Variants in C4orf54 observed in about 807,000 individuals in gnomAD.
The protein encoded by C4orf54 is chromosome 4 open reading frame 54.
C4orf54 carries 67 observed loss-of-function variants against 80.1 expected under a neutral mutation model. The ratio of observed to expected loss-of-function variants is 0.84; its 90% CI spans 0.69 to 1.03. The LOEUF (loss-of-function observed/expected upper bound fraction) is 1.03, where lower values mean the gene tolerates loss of function less well. Ranked by LOEUF, C4orf54 falls within the 50% of genes least tolerant of loss-of-function variation. The pLI is 0.00. For missense variants in C4orf54, 2,434 were observed against 2,253.5 expected, an observed-to-expected ratio of 1.08 and a Z score of -1.62; for synonymous variants, 1,000 against 917.0, an observed-to-expected ratio of 1.09 and a Z score of -1.64.
chr4:99,653,831 G>C lies in C4orf54; in HGVS notation c.818C>G (p.Ser273Cys), dbSNP rs901028371. 2.0e-6 allele frequency: 3 copies of C among 1,536,090 alleles called. No homozygotes were observed. In the African/African-American group the frequency reaches 4.1e-5, roughly 21 times the overall value. ...GGNFSSSSSSSPMNKAEEDGL... is the reference protein window; with the variant it reads ...GGNFSSSSSSCPMNKAEEDGL... Reference sequence around the variant, plus strand: ...ATCCTCTTCTGCTTTGTTCATCGGGGAGGAGGATGAGGAAGATGAGAAATT... The same window carrying C: ...ATCCTCTTCTGCTTTGTTCATCGGGCAGGAGGATGAGGAAGATGAGAAATT... The change falls in exon 2 of 3, where the codon TCC becomes TGC. Residue 273 changes from serine to cysteine, a missense_variant. Transcript: ENST00000511828.
In C4orf54 at chr4:99,653,586, C is replaced by T. The variant is rs1726905032; in HGVS notation, c.1063G>A (p.Gly355Ser). The part of the protein sequence containing the change: ...ECRDIIAKSQ[G>S]SRDPPKVEEA... ...TCGACTTTGGGGGGGTCCCTGCTGCCCTGGGACTTGGCAATAATGTCCCTG... is the reference window on the plus strand; with the variant it reads ...TCGACTTTGGGGGGGTCCCTGCTGCTCTGGGACTTGGCAATAATGTCCCTG... The change falls in exon 2 of 3, where the codon GGC becomes AGC. Residue 355 changes from glycine to serine, a missense_variant. Coordinates refer to ENST00000511828, the MANE Select transcript of C4orf54 (RefSeq NM_001354435.2). 6.5e-7 allele frequency: 1 copy of T among 1,535,894 alleles called. No individual in the cohort carries two copies. The highest frequency in any genetic ancestry group is 1.2e-5 in the South Asian group (1 of 84,048).
rs756179658 is a variant in C4orf54, at chr4:99,651,598, G to A, written c.3051C>T (p.Thr1017=). ...QATKYPAAQA[T]STAVIRPKAP... Reference sequence around the variant, plus strand: ...CCTTGGGTCTGATCACCGCTGTGGAGGTGGCCTGAGCAGCAGGGTACTTGG... The same window carrying A: ...CCTTGGGTCTGATCACCGCTGTGGAAGTGGCCTGAGCAGCAGGGTACTTGG... The change falls in exon 2 of 3, where the codon ACC becomes ACT. Residue 1017 remains threonine, a synonymous_variant. Coordinates refer to ENST00000511828, the MANE Select transcript of C4orf54 (RefSeq NM_001354435.2). 2.3e-5 allele frequency: 36 copies of A among 1,536,020 alleles called. No individual in the cohort carries two copies. Among genetic ancestry groups the A allele is most frequent in the African/African-American group, 1.1e-4 (8 of 73,026 alleles).
chr4:99,638,655 A>G lies in C4orf54; in HGVS notation c.*2578T>C, dbSNP rs929470684. The G allele has an allele frequency of 1.3e-5, 2 of 152,176 alleles. No homozygotes were observed. Among genetic ancestry groups the G allele is most frequent in the African/African-American group, 4.8e-5 (2 of 41,466 alleles). 9.4% of individuals were successfully genotyped at this position (152,176 alleles called of 1,614,324 possible). A position where few individuals can be genotyped will look rare whatever the true frequency, so the allele number is the denominator to read the frequency against. ...GCTCTTGTTTGATTCCCCTTGAGCT[A>G]TAAAAGGAAGGGTATATCACTTCAT... On this transcript the variant is annotated 3_prime_UTR_variant, in exon 3 of 3. Transcript: ENST00000511828.
chr4:99,643,792 A>ACACACACACACACCCC (rs61130907), intron 2 of C4orf54, among the ~76,000 whole-genome samples: 108 of 98,834 alleles, frequency 1.1e-3, no homozygotes, highest in Middle Eastern at 5.0e-3. Flanking sequence ...ACACACACAC[A>ACACACACACACACCCC]CCCCCTCCGC....
Position 99,636,822 on chromosome 4 carries a change from G to A in C4orf54, c.*4411C>T, listed in dbSNP as rs1232458986. On this transcript the variant is annotated 3_prime_UTR_variant, in exon 3 of 3. Coordinates refer to ENST00000511828, the MANE Select transcript of C4orf54 (RefSeq NM_001354435.2). Reference sequence around the variant, plus strand: ...ATTGAATCATATCAGACCTCAGGTAGGAACTTTTCCACCAAGATTCCTACG... The same window carrying A: ...ATTGAATCATATCAGACCTCAGGTAAGAACTTTTCCACCAAGATTCCTACG... The A allele has an allele frequency of 2.0e-5, 3 of 152,136 alleles. No individual in the cohort carries two copies. The allele number at this position is 152,136 out of a possible 1,614,324, so 9.4% of individuals were successfully genotyped here. A position where few individuals can be genotyped will look rare whatever the true frequency, so the allele number is the denominator to read the frequency against.
intron 1 of C4orf54, among the ~76,000 whole-genome samples, chr4:99,657,135 T>C (rs962358303): frequency 4.6e-5 from 7 of 152,262 alleles, no homozygotes; most frequent in African/African-American, 1.7e-4. Context: ...AGGCTAACCG[T>C]GTCTTGGACG....
At chr4:99,641,259 A>T (rs1439056165) in intron 2 of C4orf54, 63 bp from the exon 3 acceptor site, 1 of 152,194 alleles carries the variant, frequency 6.6e-6, no homozygotes, top group African/African-American at 2.4e-5. Context: ...TCTAAAAGCA[A>T]ATTTCACTTT....
At chr4:99,642,988 C>G (rs1726631623) in intron 2 of C4orf54, among the ~76,000 whole-genome samples, 3 of 152,276 alleles carry the variant, frequency 2.0e-5, no homozygotes, top group Admixed American at 6.5e-5. Context: ...AGCCAGCTAG[C>G]TCAAAGAGGA....
chr4:99,651,395 G>A lies in C4orf54; in HGVS notation c.3254C>T (p.Pro1085Leu), dbSNP rs1345973850. ...LFRGDNLEKV[P>L]HFQVRDIRDK... is the part of the protein sequence containing the mutation. ...TCTGATGTCTCTCACCTGGAAATGG[G>A]GCACTTTTTCTAGGTTGTCCCCGCG... Residue 1085 changes from proline (P) to leucine (L), a missense_variant, in exon 2 of 3, where the codon CCC becomes CTC. Physicochemically the swap from Pro to Leu is moderately conservative, Grantham distance 98. Transcript: ENST00000511828. 1 of 1,536,234 alleles carries A rather than the reference G, an allele frequency of 6.5e-7. No individual in the cohort carries two copies. Among genetic ancestry groups the A allele is most frequent in the Non-Finnish European group, 8.7e-7 (1 of 1,146,930 alleles).
chr4:99,651,982 G>A lies in C4orf54; in HGVS notation c.2667C>T (p.Ser889=), dbSNP rs1422397563. The change falls in exon 2 of 3, where the codon TCC becomes TCT. Residue 889 remains serine, a synonymous_variant. Transcript: ENST00000511828. ...VSMSDAGGEG[S]VAGSKSPVFK... is the part of the protein sequence containing the mutation. ...AGACTGGAGATTTGGAGCCCGCCAC[G>A]GACCCCTCCCCGCCCGCGTCGGACA... 7 of 1,536,002 alleles carry A rather than the reference G, an allele frequency of 4.6e-6. No individual in the cohort carries two copies. Among genetic ancestry groups the A allele is most frequent in the African/African-American group, 2.7e-5 (2 of 73,054 alleles).
rs1578266842 is a variant in C4orf54, at chr4:99,641,199, A to G, written c.*37-3T>C. 1 of 150,136 alleles carries G rather than the reference A, an allele frequency of 6.7e-6. No homozygotes were observed. The highest frequency in any genetic ancestry group is 2.5e-5 in the African/African-American group (1 of 39,806). The allele number at this position is 150,136 out of a possible 1,614,324, so 9.3% of individuals were successfully genotyped here. ...TAGTCCATCTTTTTGTCTTGCTCCT[A>G]TAAAATAAAAAAATTAAGAAAAAAC... is the stretch of plus-strand genomic sequence containing the variant. On this transcript the variant is annotated splice_region_variant and splice_polypyrimidine_tract_variant and intron_variant, in intron 2 of 2. Coordinates refer to ENST00000511828, the MANE Select transcript of C4orf54 (RefSeq NM_001354435.2).
At position 99,653,847 on chromosome 4, in the gene C4orf54, A is replaced by T. The variant is rs191294537; in HGVS notation, c.802T>A (p.Ser268Thr). ...TTCATCGGGGAGGAGGATGAGGAAG[A>T]TGAGAAATTGCCACCCTCTTCAGAG... Reference protein sequence around the residue: ...SASEEGGNFSSSSSSSPMNKA... With the variant: ...SASEEGGNFSTSSSSSPMNKA... Residue 268 changes from serine to threonine, a missense_variant, in exon 2 of 3, where the codon TCT becomes ACT. Coordinates refer to ENST00000511828, the MANE Select transcript of C4orf54 (RefSeq NM_001354435.2). 5.4e-5 allele frequency: 83 copies of T among 1,536,234 alleles called. No homozygotes were observed. The Admixed American group carries it at 9.6e-4, about 18-fold the overall frequency.
rs1560637501 is a variant in C4orf54 at position 99,650,076 on chromosome 4, T to C, written c.4573A>G (p.Ser1525Gly). The C allele has an allele frequency of 6.5e-7, 1 of 1,535,748 alleles. No individual in the cohort carries two copies. Among genetic ancestry groups the C allele is most frequent in the East Asian group, 2.4e-5 (1 of 40,866 alleles). ...CGCCAAGCTGGTCGGCTGGTTCCAC[T>C]AACCTGAGAGCCTTTGGAGCTACTG... Reference protein sequence around the residue: ...VPSSSKGSQVSGTSRPAWRTK... With the variant: ...VPSSSKGSQVGGTSRPAWRTK... The change falls in exon 2 of 3, where the codon AGT becomes GGT. Residue 1525 changes from serine to glycine, a missense_variant. Coordinates refer to ENST00000511828, the MANE Select transcript of C4orf54 (RefSeq NM_001354435.2).
chr4:99,652,410 C>T lies in C4orf54; in HGVS notation c.2239G>A (p.Val747Ile). ...FQKQVQTGSRVVTLLEPLNVR... is the reference protein window; with the variant it reads ...FQKQVQTGSRIVTLLEPLNVR... ...TTCAGGGGCTCCAAAAGGGTGACGACGCGGGAGCCCGTCTGGACCTGCTTC... is the reference window on the plus strand; with the variant it reads ...TTCAGGGGCTCCAAAAGGGTGACGATGCGGGAGCCCGTCTGGACCTGCTTC... The change falls in exon 2 of 3, where the codon GTC becomes ATC. Residue 747 changes from valine (V) to isoleucine (I), a missense_variant. By Grantham distance (29) the Val-to-Ile change is conservative (BLOSUM62 3). Coordinates refer to ENST00000511828, the MANE Select transcript of C4orf54 (RefSeq NM_001354435.2). The T allele has an allele frequency of 1.3e-6, 2 of 1,536,038 alleles. No individual in the cohort carries two copies. Among genetic ancestry groups the T allele is most frequent in the African/African-American group, 1.4e-5 (1 of 73,140 alleles).
chr4:99,646,105 A>G (rs1301463840), intron 2 of C4orf54, among the ~76,000 whole-genome samples: 3 of 152,198 alleles, frequency 2.0e-5, no homozygotes, highest in Non-Finnish European at 4.4e-5. Context: ...CCAAATATAT[A>G]CGGGAAGGAA....
intron 2 of C4orf54, among the ~76,000 whole-genome samples, chr4:99,648,283 C>A (rs1726733768): frequency 6.6e-6 from 1 of 152,098 alleles, no homozygotes; most frequent in Non-Finnish European, 1.5e-5. Context: ...TATCAAGTTC[C>A]ATGTACTGTA....
chr4:99,649,872 C>G lies in C4orf54; in HGVS notation c.4777G>C (p.Ala1593Pro), dbSNP rs887339139. ...SMPAPAPAASAPVPTDPFQQA... is the reference protein window; with the variant it reads ...SMPAPAPAASPPVPTDPFQQA... ...TGGAAGGGGTCTGTGGGGACGGGAG[C>G]TGAGGCTGCAGGTGCTGGGGCAGGC... is the stretch of plus-strand genomic sequence containing the variant. Residue 1593 changes from alanine (A) to proline (P), a missense_variant, in exon 2 of 3, where the codon GCT (alanine) becomes CCT (proline). Transcript: ENST00000511828. 1 of 1,531,178 alleles carries G rather than the reference C, an allele frequency of 6.5e-7. No homozygotes were observed. Among genetic ancestry groups the G allele is most frequent in the African/African-American group, 1.4e-5 (1 of 72,928 alleles). 94.8% of individuals were successfully genotyped at this position (1,531,178 alleles called of 1,614,324 possible). A position where few individuals can be genotyped will look rare whatever the true frequency, so the allele number is the denominator to read the frequency against.
intron 1 of C4orf54, among the ~76,000 whole-genome samples, chr4:99,657,177 G>A (rs765587182): frequency 6.6e-6 from 1 of 152,240 alleles, no homozygotes; most frequent in Admixed American, 6.5e-5. Context: ...GAGCACTGTG[G>A]TGCATACATA....
chr4:99,650,770 G>A lies in C4orf54; in HGVS notation c.3879C>T (p.Leu1293=). 1 of 1,536,136 alleles carries A rather than the reference G, an allele frequency of 6.5e-7. No homozygotes were observed. The highest frequency in any genetic ancestry group is 1.7e-4 in the Middle Eastern group (1 of 5,990). Residue 1293 remains leucine (L), a synonymous_variant, in exon 2 of 3, where the codon CTC becomes CTT. Coordinates refer to ENST00000511828, the MANE Select transcript of C4orf54 (RefSeq NM_001354435.2). ...CCCCTTCCCTCTCCTCACTGGCAAT[G>A]AGCGACAGCACGTGGCTGTCCATCA... ...PMMMDSHVLS[L]IASEEREGVV...
Sources: gnomAD v4.1 joint callset for allele counts (sites outside exome capture counted in the v4.1 genomes callset) on GRCh38, gnomAD v4.1.1 for gene constraint, MANE v1.5 for transcripts, NCBI Gene and HGNC (gene_info 2026-07-23, HGNC 2026-07-21) for gene names.